The following ANKRD30A variants were observed in gnomAD, a reference collection of about 807,000 sequenced individuals.
ANKRD30A encodes the protein ankyrin repeat domain-containing protein 30A.
Under a neutral mutation model 166.3 loss-of-function variants are expected in ANKRD30A, and 170 were observed. The ratio of observed to expected loss-of-function variants is 1.02; its 90% CI spans 0.90 to 1.16. The LOEUF (loss-of-function observed/expected upper bound fraction) is 1.16. Among genes scored for constraint, ANKRD30A ranks in the 50% most tolerant of loss-of-function variants. ANKRD30A has a pLI of 0.00. For synonymous variants in ANKRD30A, 564 were observed against 508.9 expected (o/e 1.11, Z -1.46); for missense variants, 1,630 against 1,518.0 (o/e 1.07, Z -1.23).
intron 30 of ANKRD30A, among the ~76,000 whole-genome samples, chr10:37,200,227 C>T (rs1296824954): frequency 1.3e-5 from 2 of 151,976 alleles, no homozygotes; most frequent in Non-Finnish European, 2.9e-5. Flanking sequence ...ATGCCTGGGA[C>T]TTGAACGTAT....
chr10:37,144,899 T>A (rs780589149), intron 7 of ANKRD30A, 96 bp from the exon 8 acceptor site: 35 of 914,374 alleles, frequency 3.8e-5, no homozygotes, highest in Non-Finnish European at 4.8e-5. Context: ...TAGAAGTAAG[T>A]CCACAGATTC....
chr10:37,218,214 A>G (rs555438697), intron 33 of ANKRD30A, among the ~76,000 whole-genome samples: 11 of 151,060 alleles, frequency 7.3e-5, no homozygotes, highest in Admixed American at 6.6e-4. Flanking sequence ...AAGAGGAAGC[A>G]AAAGTTACAG....
chr10:37,230,206 G>A (rs1843357636), intron 34 of ANKRD30A, among the ~76,000 whole-genome samples: 1 of 151,914 alleles, frequency 6.6e-6, no homozygotes, highest in Non-Finnish European at 1.5e-5. Flanking sequence ...TTAAAATTTA[G>A]GGATTTGTTG....
At chr10:37,263,611 A>G in the ANKRD30A span, among the ~76,000 whole-genome samples, 1 of 152,148 alleles carries the variant, frequency 6.6e-6, no homozygotes, top group South Asian at 2.1e-4. Context: ...TCGTGCTCCT[A>G]TGAGAATCTA....
chr10:37,151,540 G>A (rs989655872), intron 11 of ANKRD30A, among the ~76,000 whole-genome samples: 2 of 151,990 alleles, frequency 1.3e-5, no homozygotes, highest in Admixed American at 6.6e-5. Context: ...CCAATACACT[G>A]TCATAGAATA....
At chr10:37,126,072 T>TGA in intron 1 of ANKRD30A, 64 bp downstream of exon 1, 1 of 1,503,580 alleles carries the variant, frequency 6.7e-7, no homozygotes, top group Non-Finnish European at 9.2e-7. Context: ...GATCGCCCCT[T>TGA]CAGAGTCGGG....
the ANKRD30A span, among the ~76,000 whole-genome samples, chr10:37,264,312 T>A: frequency 6.6e-6 from 1 of 152,208 alleles, no homozygotes; most frequent in African/African-American, 2.4e-5. Context: ...TGTGTTCATC[T>A]TCAGAGTACT....
chr10:37,230,670 T>G (rs1843376331), intron 34 of ANKRD30A, among the ~76,000 whole-genome samples: 1 of 152,096 alleles, frequency 6.6e-6, no homozygotes, highest in African/African-American at 2.4e-5. Context: ...ACTTGGTAAA[T>G]TAACTTTCTT....
At chr10:37,241,897 C>T in the ANKRD30A span, 1 of 152,108 alleles carries the variant, frequency 6.6e-6, no homozygotes, top group African/African-American at 2.4e-5. Context: ...TTTCTCTGAA[C>T]CATTTGAGAG....
intron 1 of ANKRD30A, among the ~76,000 whole-genome samples, chr10:37,128,525 G>T (rs2132502997): frequency 6.6e-6 from 1 of 151,956 alleles, no homozygotes; most frequent in Non-Finnish European, 1.5e-5. Flanking sequence ...AATAACTACA[G>T]ATTAATCATT....
rs1323140914 is a variant in ANKRD30A, at chr10:37,166,832, A to C, written c.2155+137A>C. On this transcript the variant is annotated intron_variant, in intron 19 of 35. Transcript: ENST00000361713. ...AAAAAAAGAGAAGTGCAATGGTCAT[A>C]AGTTATGTGTCTCATCAGGTGATGG... 16 of 1,408,686 alleles carry C rather than the reference A, an allele frequency of 1.1e-5. No homozygotes were observed. In the Admixed American group the frequency reaches 3.7e-4, roughly 33 times the overall value. 87.3% of individuals were successfully genotyped at this position (1,408,686 alleles called of 1,614,324 possible).
the ANKRD30A span, among the ~76,000 whole-genome samples, chr10:37,255,370 A>G: frequency 6.6e-6 from 1 of 152,188 alleles, no homozygotes; most frequent in Admixed American, 6.5e-5. Context: ...CCTACCCAAT[A>G]TATCCATGTA....
chr10:37,165,101 A>G lies in ANKRD30A; in HGVS notation c.2010A>G (p.Ile670Met), dbSNP rs769992041. The change falls in exon 18 of 36, where the codon ATA (isoleucine) becomes ATG (methionine). Residue 670 changes from isoleucine to methionine, a missense_variant. By Grantham distance (10) the Ile-to-Met change is conservative. Around this residue, in one of 4 missense-constraint regions of ANKRD30A, gnomAD observed 904 missense variants for 818.5 expected, o/e 1.10. Coordinates refer to ENST00000361713, the MANE Select transcript of ANKRD30A (RefSeq NM_052997.3). ...GTGATTAACCTTTTATAGATGAGATACTCCCATCAGAATCCAAACAAAAGG... is the reference window on the plus strand; with the variant it reads ...GTGATTAACCTTTTATAGATGAGATGCTCCCATCAGAATCCAAACAAAAGG... ...KNEQTLRADE[I>M]LPSESKQKDY... is the part of the protein sequence containing the mutation. The G allele has an allele frequency of 8.7e-6, 14 of 1,607,538 alleles. No homozygotes were observed. The South Asian group carries it at 1.1e-4, about 13-fold the overall frequency.
intron 17 of ANKRD30A, 49 bp downstream of exon 17, chr10:37,162,897 C>T (rs775418790): frequency 2.5e-6 from 4 of 1,587,106 alleles, no homozygotes; most frequent in Non-Finnish European, 2.6e-6. Flanking sequence ...CAATATTGGA[C>T]ATTTTGATGG....
At position 37,217,889 on chromosome 10, in the gene ANKRD30A, C is replaced by A; in HGVS notation, c.3267+11C>A. 6.7e-7 allele frequency: 1 copy of A among 1,496,804 alleles called. No individual in the cohort carries two copies. 92.7% of individuals were successfully genotyped at this position (1,496,804 alleles called of 1,614,324 possible). A position where few individuals can be genotyped will look rare whatever the true frequency, so the allele number is the denominator to read the frequency against. ...AGTAATTTGAATCAGGTAAATCAAT[C>A]TCTGATAAAAATTTTATATTTCTAA... On this transcript the variant is annotated intron_variant, in intron 33 of 35. Coordinates refer to ENST00000361713, the MANE Select transcript of ANKRD30A (RefSeq NM_052997.3).
the ANKRD30A span, among the ~76,000 whole-genome samples, chr10:37,238,424 T>C: frequency 0.44 from 66,338 of 152,070 alleles, 15,037 homozygotes; most frequent in South Asian, 0.72. Context: ...CATGTTGGTG[T>C]GCTGCACCCA....
intron 21 of ANKRD30A, among the ~76,000 whole-genome samples, chr10:37,172,033 G>T (rs1210257071): frequency 6.2e-5 from 9 of 144,898 alleles, no homozygotes; most frequent in African/African-American, 2.3e-4. Flanking sequence ...ATAAACAAAA[G>T]ATAGTTACAC....
downstream of ANKRD30A, among the ~76,000 whole-genome samples, chr10:37,236,822 G>C (rs1437561817): frequency 2.6e-5 from 4 of 152,168 alleles, no homozygotes; most frequent in Non-Finnish European, 5.9e-5. Context: ...ATTTTGGTAA[G>C]CCAAGTCCTA....
At chr10:37,140,594 G>T (rs1011906377) in intron 6 of ANKRD30A, among the ~76,000 whole-genome samples, 3 of 152,100 alleles carry the variant, frequency 2.0e-5, no homozygotes, top group Non-Finnish European at 1.5e-5. Flanking sequence ...AAGATATGTT[G>T]TTCTATCTGC....
Sources: allele counts gnomAD v4.1 joint callset (sites outside exome capture counted in the v4.1 genomes callset), GRCh38; gene constraint gnomAD v4.1.1; regional missense constraint gnomAD v4.1.1; transcripts MANE v1.5; gene names NCBI Gene and HGNC (gene_info 2026-07-23, HGNC 2026-07-21).